The following CNTN5 variants were observed in gnomAD, a reference collection of about 807,000 sequenced individuals.
CNTN5 encodes contactin 5.
CNTN5 carries 77 observed loss-of-function variants against 129.1 expected under a neutral mutation model. The ratio of observed to expected loss-of-function variants is 0.60; its 90% CI spans 0.50 to 0.72. The LOEUF (loss-of-function observed/expected upper bound fraction) is 0.72, where lower values mean the gene tolerates loss of function less well. Ranked by LOEUF, CNTN5 falls within the 30% of genes least tolerant of loss-of-function variation. The pLI is 0.00. For synonymous variants in CNTN5, 509 were observed against 465.6 expected (o/e 1.09, Z -1.20); for missense variants, 1,478 against 1,328.8 (o/e 1.11, Z -1.75).
chr11:99,335,896 G>GGACT (rs1395560423), intron 2 of CNTN5, among the ~76,000 whole-genome samples: 1 of 151,932 alleles, frequency 6.6e-6, no homozygotes, highest in East Asian at 1.9e-4. Context: ...GCCTGCAGGT[G>GGACT]GACTGATTCA....
chr11:99,442,003 C>G (rs372449684), intron 2 of CNTN5, among the ~76,000 whole-genome samples: 1 of 152,068 alleles, frequency 6.6e-6, no homozygotes, highest in African/African-American at 2.4e-5. Context: ...TCCATTAAAT[C>G]CTGAGTTGTA....
intron 21 of CNTN5, among the ~76,000 whole-genome samples, chr11:100,310,831 C>T (rs1198405017): frequency 6.6e-6 from 1 of 151,900 alleles, no homozygotes; most frequent in Non-Finnish European, 1.5e-5. Flanking sequence ...GAAGTACTAG[C>T]GTGCTGGACT....
At chr11:99,548,843 T>G (rs1948384964) in intron 2 of CNTN5, among the ~76,000 whole-genome samples, 1 of 152,194 alleles carries the variant, frequency 6.6e-6, no homozygotes, top group African/African-American at 2.4e-5. Flanking sequence ...TCTTTTTGGA[T>G]TTCTCTGGTC....
chr11:99,639,766 G>C (rs1293712927), intron 3 of CNTN5, among the ~76,000 whole-genome samples: 3 of 151,852 alleles, frequency 2.0e-5, no homozygotes, highest in African/African-American at 7.3e-5. Context: ...GTTTCACCAT[G>C]TTGGTCAGGC....
chr11:99,461,052 A>G (rs117047691), intron 2 of CNTN5, among the ~76,000 whole-genome samples: 2,525 of 152,234 alleles, frequency 0.017, 29 homozygotes, highest in Admixed American at 0.024. Context: ...CTCAGCAATA[A>G]AGTTGATGCC....
chr11:99,130,399 C>T (rs942850520), intron 1 of CNTN5, among the ~76,000 whole-genome samples: 1 of 152,122 alleles, frequency 6.6e-6, no homozygotes, highest in Non-Finnish European at 1.5e-5. Flanking sequence ...AGGTTTAATT[C>T]AACAAGAAAA....
chr11:99,236,876 CA>C, intron 1 of CNTN5, among the ~76,000 whole-genome samples: 3 of 152,036 alleles, frequency 2.0e-5, no homozygotes, highest in Admixed American at 2.0e-4. Flanking sequence ...GGAGTCTGCC[CA>C]GTGCATTTGC....
chr11:99,637,037 A>AAAAAAAAAAAAAAAG (rs1951587166), intron 3 of CNTN5, among the ~76,000 whole-genome samples: 1 of 142,222 alleles, frequency 7.0e-6, no homozygotes, highest in Non-Finnish European at 1.5e-5. Context: ...AAAAAAAAAA[A>AAAAAAAAAAAAAAAG]AAAAGTAAAT....
At chr11:100,352,374 A>G (rs1952436989) in intron 24 of CNTN5, among the ~76,000 whole-genome samples, 1 of 151,778 alleles carries the variant, frequency 6.6e-6, no homozygotes, top group African/African-American at 2.4e-5. Context: ...AAAAAACTAT[A>G]CTGTGGTTAT....
intron 1 of CNTN5, among the ~76,000 whole-genome samples, chr11:99,072,537 G>C (rs559933642): frequency 6.6e-6 from 1 of 152,038 alleles, no homozygotes; most frequent in East Asian, 1.9e-4. Flanking sequence ...TGCCTTATTT[G>C]TAATTACAAC....
At chr11:99,193,260 AT>A (rs1272426614) in intron 1 of CNTN5, among the ~76,000 whole-genome samples, 1 of 152,100 alleles carries the variant, frequency 6.6e-6, no homozygotes, top group Non-Finnish European at 1.5e-5. Context: ...TACATAGCAA[AT>A]TTGAAAAATA....
At chr11:99,206,693 T>G (rs1323001916) in intron 1 of CNTN5, among the ~76,000 whole-genome samples, 1 of 152,154 alleles carries the variant, frequency 6.6e-6, no homozygotes, top group Admixed American at 6.6e-5. Context: ...TTCTACCTGG[T>G]TTGCATGTTT....
At chr11:100,136,860 A>C (rs902094728) in intron 13 of CNTN5, among the ~76,000 whole-genome samples, 1 of 151,894 alleles carries the variant, frequency 6.6e-6, no homozygotes, top group Non-Finnish European at 1.5e-5. Flanking sequence ...ATGTCATTTT[A>C]TTTCACCTTT....
Position 100,061,243 on chromosome 11 carries a change from A to T in CNTN5, c.1012A>T (p.Asn338Tyr). ...TCCAACAATCACATGGATGAAGGTTAATGGTTATATTCCTAGTAAGGCACG... is the reference window on the plus strand; with the variant it reads ...TCCAACAATCACATGGATGAAGGTTTATGGTTATATTCCTAGTAAGGCACG... ...PVPTITWMKV[N>Y]GYIPSKARLR... is the part of the protein sequence containing the mutation. The change falls in exon 10 of 25, where the codon AAT (asparagine) becomes TAT (tyrosine). Residue 338 changes from asparagine to tyrosine, a missense_variant. Asn to Tyr is a moderately radical substitution (Grantham distance 143). Transcript: ENST00000524871. The T allele has an allele frequency of 6.2e-7, 1 of 1,613,138 alleles. No individual in the cohort carries two copies.
chr11:99,884,928 T>C (rs535822014), intron 6 of CNTN5, among the ~76,000 whole-genome samples: 1 of 152,066 alleles, frequency 6.6e-6, no homozygotes, highest in South Asian at 2.1e-4. Flanking sequence ...AGTCAGCCGA[T>C]GTAGTACCAC....
At chr11:100,025,707 A>T (rs980191040) in intron 9 of CNTN5, among the ~76,000 whole-genome samples, 1 of 152,222 alleles carries the variant, frequency 6.6e-6, no homozygotes, top group Admixed American at 6.5e-5. Flanking sequence ...AAAGGAGATC[A>T]TTTCAGAGCT....
At chr11:100,176,951 A>G (rs1432824517) in intron 13 of CNTN5, among the ~76,000 whole-genome samples, 1 of 151,928 alleles carries the variant, frequency 6.6e-6, no homozygotes, top group African/African-American at 2.4e-5. Flanking sequence ...AGATCTTCCC[A>G]GCACAGAGCA....
intron 3 of CNTN5, among the ~76,000 whole-genome samples, chr11:99,776,680 A>G (rs1591151238): frequency 6.6e-6 from 1 of 151,824 alleles, no homozygotes; most frequent in African/African-American, 2.4e-5. Context: ...TGGTGCTTGC[A>G]TAAATATACA....
rs77434531 is a variant in CNTN5 at position 99,351,746 on chromosome 11, A to T, written c.-71+26262A>T. 7.4e-3 allele frequency among the ~76,000 whole-genome samples: 1,134 copies of T among 152,274 alleles called. 66 individuals carry two copies. The East Asian group carries it at 0.12, about 17-fold the overall frequency. On this transcript the variant is annotated intron_variant, in intron 2 of 24. Transcript: ENST00000524871. ...ATCAAATTTGAAAATATGGAGTTCAATGTTACTGAGGCTGTCATCTGAGTA... is the reference window on the plus strand; with the variant it reads ...ATCAAATTTGAAAATATGGAGTTCATTGTTACTGAGGCTGTCATCTGAGTA...
Sources: gnomAD v4.1 joint callset for allele counts (sites outside exome capture counted in the v4.1 genomes callset) on GRCh38, gnomAD v4.1.1 for gene constraint, MANE v1.5 for transcripts, NCBI Gene and HGNC (gene_info 2026-07-23, HGNC 2026-07-21) for gene names.